Variants in CFAP61 observed in about 807,000 individuals in gnomAD.
CFAP61 encodes the protein cilia and flagella associated protein 61, also known as cilia- and flagella-associated protein 61.
Under a neutral mutation model 135.6 loss-of-function variants are expected in CFAP61, and 107 were observed. The observed-to-expected ratio is 0.79, with a 90% CI of 0.67 to 0.93. CFAP61 has a LOEUF of 0.93. Ranked by LOEUF, CFAP61 falls within the 40% of genes least tolerant of loss-of-function variation. The pLI, the probability that CFAP61 is intolerant of heterozygous loss-of-function variation, is 0.00. For synonymous variants in CFAP61, 575 were observed against 578.5 expected (o/e 0.99, Z 0.09); for missense variants, 1,507 against 1,556.2 (o/e 0.97, Z 0.53).
intron 17 of CFAP61, among the ~76,000 whole-genome samples, chr20:20,210,792 C>A (rs1327803231): frequency 6.6e-6 from 1 of 152,146 alleles, no homozygotes; most frequent in Admixed American, 6.5e-5. Context: ...TTTATTAAAA[C>A]TTTCACTTGT....
intron 17 of CFAP61, among the ~76,000 whole-genome samples, chr20:20,212,348 A>G (rs1194866033): frequency 1.3e-5 from 2 of 152,134 alleles, no homozygotes; most frequent in African/African-American, 4.8e-5. Context: ...GTAAATACAT[A>G]CACACAGAGT....
chr20:20,140,929 T>G (rs1007631573), intron 8 of CFAP61, among the ~76,000 whole-genome samples: 4 of 151,950 alleles, frequency 2.6e-5, no homozygotes, highest in African/African-American at 9.6e-5. Context: ...CCTTTTTTTT[T>G]TTTTGTTTTT....
intron 7 of CFAP61, among the ~76,000 whole-genome samples, chr20:20,092,737 A>G (rs956014191): frequency 2.6e-5 from 4 of 152,232 alleles, no homozygotes; most frequent in Non-Finnish European, 5.9e-5. Flanking sequence ...ACATGAAAAG[A>G]CATTCAACAT....
At chr20:20,296,121 TCCTTCCTTCCTTCCTCCCTC>T in intron 24 of CFAP61, among the ~76,000 whole-genome samples, 1 of 2,596 alleles carries the variant, frequency 3.9e-4, no homozygotes, top group Non-Finnish European at 6.6e-4. Context: ...CTCCTTCCCT[TCCTTCCTTCCTTCCTCCCTC>T]CCTCCCTCCT....
rs1403398674 is a variant in CFAP61 at position 20,251,777 on chromosome 20, CA to C, written c.2328+15del. On this transcript the variant is annotated intron_variant, in intron 20 of 26. Transcript: ENST00000245957. The stretch of plus-strand genomic sequence containing the variant: ...CAGCAGTACCAGGTAAGGCCGGGCA[CA>C]GGGGGCGCAAGCCACGTGTCTGGAG... The C allele has an allele frequency of 6.2e-7, 1 of 1,611,770 alleles. No individual in the cohort carries two copies. Among genetic ancestry groups the C allele is most frequent in the African/African-American group, 1.3e-5 (1 of 74,918 alleles).
At chr20:20,278,742 A>C (rs1224235424) in intron 22 of CFAP61, among the ~76,000 whole-genome samples, 2 of 152,208 alleles carry the variant, frequency 1.3e-5, no homozygotes, top group Admixed American at 1.3e-4. Context: ...GGCTCAAAGC[A>C]GACCACTGAA....
At chr20:20,166,819 C>T (rs1305987306) in intron 12 of CFAP61, among the ~76,000 whole-genome samples, 2 of 152,136 alleles carry the variant, frequency 1.3e-5, no homozygotes, top group Non-Finnish European at 2.9e-5. Flanking sequence ...AAAGTAGGGA[C>T]TTGTTGATTT....
At chr20:20,059,228 T>C (rs2044606776) in intron 2 of CFAP61, among the ~76,000 whole-genome samples, 1 of 139,924 alleles carries the variant, frequency 7.1e-6, no homozygotes, top group Non-Finnish European at 1.5e-5. Flanking sequence ...CTCGGGAGGC[T>C]GAGGCAGGAG....
intron 22 of CFAP61, among the ~76,000 whole-genome samples, chr20:20,282,987 T>G (rs1407897022): frequency 6.6e-6 from 1 of 152,076 alleles, no homozygotes; most frequent in African/African-American, 2.4e-5. Context: ...TCCAAGCATA[T>G]GGACTAACTT....
chr20:20,115,160 T>C (rs1415784343), intron 8 of CFAP61, among the ~76,000 whole-genome samples: 3 of 152,116 alleles, frequency 2.0e-5, no homozygotes, highest in East Asian at 3.8e-4. Context: ...TGAGTGAGAT[T>C]GGCCTGCAAC....
intron 12 of CFAP61, among the ~76,000 whole-genome samples, chr20:20,168,671 A>T (rs890838206): frequency 6.6e-6 from 1 of 152,210 alleles, no homozygotes; most frequent in African/African-American, 2.4e-5. Context: ...CTCCGCCAAT[A>T]CTAGCCACAT....
intron 6 of CFAP61, among the ~76,000 whole-genome samples, chr20:20,080,245 CTA>C (rs982320882): frequency 6.6e-6 from 1 of 151,962 alleles, no homozygotes; most frequent in African/African-American, 2.4e-5. Flanking sequence ...ACATATATAC[CTA>C]TATATATCTC....
intron 25 of CFAP61, among the ~76,000 whole-genome samples, chr20:20,306,030 T>A (rs1191524649): frequency 6.6e-6 from 1 of 152,220 alleles, no homozygotes; most frequent in Non-Finnish European, 1.5e-5. Flanking sequence ...AATATGTGTC[T>A]GTTCTTATTG....
intron 8 of CFAP61, among the ~76,000 whole-genome samples, chr20:20,135,779 A>T (rs955901926): frequency 9.8e-5 from 15 of 152,332 alleles, no homozygotes; most frequent in African/African-American, 2.6e-4. Flanking sequence ...ACATACCATA[A>T]TTACAGTGTT....
At chr20:20,131,110 C>G (rs561625763) in intron 8 of CFAP61, among the ~76,000 whole-genome samples, 1 of 151,788 alleles carries the variant, frequency 6.6e-6, no homozygotes, top group African/African-American at 2.4e-5. Flanking sequence ...GTCTGATTCT[C>G]TTACCATCTA....
At chr20:20,277,610 C>A in intron 22 of CFAP61, 152 bp downstream of exon 22, 1 of 717,786 alleles carries the variant, frequency 1.4e-6, no homozygotes, top group Non-Finnish European at 2.3e-6. Context: ...TGCTGGGTAA[C>A]AACCCACCCC....
At chr20:20,269,184 C>CACACATATATACATATATGTATATAT (rs1449883825) in intron 21 of CFAP61, among the ~76,000 whole-genome samples, 1,333 of 84,190 alleles carry the variant, frequency 0.016, 31 homozygotes, top group African/African-American at 0.044. Flanking sequence ...TGTATATACA[C>CACACATATATACATATATGTATATAT]ACACATATAT....
intron 25 of CFAP61, among the ~76,000 whole-genome samples, chr20:20,337,240 CATGG>C (rs1386342358): frequency 1.3e-5 from 2 of 149,652 alleles, no homozygotes; most frequent in Non-Finnish European, 3.0e-5. Context: ...AGGATGGATG[CATGG>C]ATGGATGGAT....
At position 20,327,777 on chromosome 20, in the gene CFAP61, C is replaced by CAAAAAAAAAAAAAAAAAAAAAAA. The variant is rs60171844; in HGVS notation, c.3423-14048_3423-14026dup. On this transcript the variant is annotated intron_variant, in intron 25 of 26. Coordinates refer to ENST00000245957, the MANE Select transcript of CFAP61 (RefSeq NM_015585.4). ...CCTGGGCAACAGAGCAAGAGCCTGT[C>CAAAAAAAAAAAAAAAAAAAAAAA]AAAAAAAAAAAAAAAAAAAAAAAAA... Among the ~76,000 whole-genome samples the CAAAAAAAAAAAAAAAAAAAAAAA allele has an allele frequency of 4.3e-4, 26 of 60,352 alleles. 3 individuals are homozygous for CAAAAAAAAAAAAAAAAAAAAAAA. The highest frequency in any genetic ancestry group is 1.2e-3 in the African/African-American group (19 of 15,792). 39.6% of individuals were successfully genotyped at this position (60,352 alleles called of 152,430 possible). A position where few individuals can be genotyped will look rare whatever the true frequency, so the allele number is the denominator to read the frequency against.
Sources: allele counts gnomAD v4.1 joint callset (sites outside exome capture counted in the v4.1 genomes callset), GRCh38; gene constraint gnomAD v4.1.1; transcripts MANE v1.5; gene names NCBI Gene and HGNC (gene_info 2026-07-23, HGNC 2026-07-21).